The following ADAMTS16 variants were observed in gnomAD, a reference collection of about 807,000 sequenced individuals.
The protein encoded by ADAMTS16 is ADAM metallopeptidase with thrombospondin type 1 motif 16.
Under a neutral mutation model 145.8 loss-of-function variants are expected in ADAMTS16, and 94 were observed. The ratio of observed to expected loss-of-function variants is 0.64; its 90% CI spans 0.55 to 0.77. The LOEUF is 0.77. Among genes scored for constraint, ADAMTS16 ranks in the 30% least tolerant of loss-of-function variants. The pLI is 0.00. For synonymous variants in ADAMTS16, 659 were observed against 604.3 expected (o/e 1.09, Z -1.33); for missense variants, 1,585 against 1,591.5 (o/e 1.00, Z 0.07).
At chr5:5,151,422 T>C (rs1734454295) in intron 3 of ADAMTS16, among the ~76,000 whole-genome samples, 1 of 151,774 alleles carries the variant, frequency 6.6e-6, no homozygotes, top group Non-Finnish European at 1.5e-5. Flanking sequence ...GTGTCTTTAG[T>C]AGAGATGGGG....
At chr5:5,190,177 C>A (rs1228923057) in intron 7 of ADAMTS16, 47 bp downstream of exon 7, 125 of 1,507,472 alleles carry the variant, frequency 8.3e-5, no homozygotes, top group Non-Finnish European at 1.1e-4. Flanking sequence ...GAATGTGCAC[C>A]CCTGGCCGTG....
At position 5,140,773 on chromosome 5, in the gene ADAMTS16, C is replaced by T. The variant is rs749540910; in HGVS notation, c.175+7C>T. The stretch of plus-strand genomic sequence containing the variant: ...GGCTGGATGGAAAAGGGCGGTAAGT[C>T]CGTGAGGTGGGGGCTTCTAATCCTT... On this transcript the variant is annotated splice_region_variant and intron_variant, in intron 2 of 22. Transcript: ENST00000274181. 1.9e-6 allele frequency: 3 copies of T among 1,552,588 alleles called. No homozygotes were observed. The African/African-American group carries it at 4.1e-5, about 21-fold the overall frequency.
At chr5:5,245,852 T>C (rs2126399276) in intron 17 of ADAMTS16, among the ~76,000 whole-genome samples, 1 of 152,360 alleles carries the variant, frequency 6.6e-6, no homozygotes, top group South Asian at 2.1e-4. Context: ...TGACAGTTTC[T>C]TTTTTCTCTC....
intron 3 of ADAMTS16, among the ~76,000 whole-genome samples, chr5:5,169,197 C>G (rs1167511351): frequency 6.6e-6 from 1 of 152,134 alleles, no homozygotes; most frequent in East Asian, 1.9e-4. Context: ...AGATGACAGG[C>G]TCAGTAAATG....
chr5:5,207,148 T>C (rs1305366991), intron 9 of ADAMTS16, among the ~76,000 whole-genome samples: 1 of 152,208 alleles, frequency 6.6e-6, no homozygotes, highest in Non-Finnish European at 1.5e-5. Flanking sequence ...GAAGAACTAA[T>C]CTCCTGACAA....
At chr5:5,304,147 G>A (rs1250846960) in intron 20 of ADAMTS16, among the ~76,000 whole-genome samples, 1 of 152,212 alleles carries the variant, frequency 6.6e-6, no homozygotes, top group Non-Finnish European at 1.5e-5. Context: ...CTCCTGAAGA[G>A]CAGGAAGAAC....
chr5:5,183,711 G>A (rs1473962785), intron 4 of ADAMTS16, among the ~76,000 whole-genome samples: 1 of 152,232 alleles, frequency 6.6e-6, no homozygotes, highest in East Asian at 1.9e-4. Flanking sequence ...AGCTCTGTGT[G>A]CAAGGCAGTA....
chr5:5,253,707 T>G lies in ADAMTS16; in HGVS notation c.2663-8950T>G, dbSNP rs1166510625. Among the ~76,000 whole-genome samples the G allele has an allele frequency of 4.6e-5, 7 of 152,254 alleles. No homozygotes were observed. In the East Asian group the frequency reaches 1.4e-3, roughly 29 times the overall value. ...CTCAGTTTCATCTCTGCAACCCACATCTTCGAAGATTCTCCAATCCAGACC... is the reference window on the plus strand; with the variant it reads ...CTCAGTTTCATCTCTGCAACCCACAGCTTCGAAGATTCTCCAATCCAGACC... On this transcript the variant is annotated intron_variant, in intron 17 of 22. Transcript: ENST00000274181.
In ADAMTS16 at chr5:5,188,611, A is replaced by G. The variant is rs553039889; in HGVS notation, c.1047+803A>G. On this transcript the variant is annotated intron_variant, in intron 6 of 22. Coordinates refer to ENST00000274181, the MANE Select transcript of ADAMTS16 (RefSeq NM_139056.4). The stretch of plus-strand genomic sequence containing the variant: ...CAGCTCCACCCTTGCTGACGTTTTC[A>G]GAGTCTCCTTTTAGCTACAGTTTTC... Among the ~76,000 whole-genome samples, 9 of 152,332 alleles carry G rather than the reference A, an allele frequency of 5.9e-5. No individual in the cohort carries two copies. The South Asian group carries it at 1.9e-3, about 32-fold the overall frequency.
rs142525343 is a variant in ADAMTS16, at chr5:5,251,662, C to T, written c.2662+9471C>T. ...AGATTCTGATTTCACTTTCATGAACCTGGGTGCCTACCAGGGGTAAGATCA... is the reference window on the plus strand; with the variant it reads ...AGATTCTGATTTCACTTTCATGAACTTGGGTGCCTACCAGGGGTAAGATCA... On this transcript the variant is annotated intron_variant, in intron 17 of 22. Transcript: ENST00000274181. 5.8e-3 allele frequency among the ~76,000 whole-genome samples: 886 copies of T among 152,302 alleles called. 10 individuals are homozygous for T. Among genetic ancestry groups the T allele is most frequent in the African/African-American group, 0.018 (766 of 41,570 alleles).
At chr5:5,215,914 A>C (rs575990722) in intron 10 of ADAMTS16, among the ~76,000 whole-genome samples, 7 of 115,534 alleles carry the variant, frequency 6.1e-5, no homozygotes, top group East Asian at 5.2e-4. Flanking sequence ...ATATATATAT[A>C]TCACAGTTTC....
rs761983364 is a variant in ADAMTS16, at chr5:5,209,210, A to T, written c.1569A>T (p.Gly523=). The T allele has an allele frequency of 6.2e-7, 1 of 1,614,022 alleles. No homozygotes were observed. Among genetic ancestry groups the T allele is most frequent in the Non-Finnish European group, 8.5e-7 (1 of 1,179,872 alleles). Reference sequence around the variant, plus strand: ...ACACACAGTGCAAGTGGCAGTTCGGAGAGAAAGCCAAGCTCTGCATGCTGG... The same window carrying T: ...ACACACAGTGCAAGTGGCAGTTCGGTGAGAAAGCCAAGCTCTGCATGCTGG... ...DANTQCKWQF[G]EKAKLCMLDF... is the part of the protein sequence containing the mutation. The change falls in exon 10 of 23, where the codon GGA becomes GGT. Residue 523 remains glycine, a synonymous_variant. Transcript: ENST00000274181.
At chr5:5,143,835 A>C (rs1255899563) in intron 2 of ADAMTS16, among the ~76,000 whole-genome samples, 1 of 152,204 alleles carries the variant, frequency 6.6e-6, no homozygotes, top group Non-Finnish European at 1.5e-5. Context: ...TTGCAGGGAC[A>C]TGGATGAAGC....
At chr5:5,146,095 A>G in intron 2 of ADAMTS16, 35 bp from the exon 3 acceptor site, 2 of 1,567,220 alleles carry the variant, frequency 1.3e-6, no homozygotes, top group Non-Finnish European at 1.7e-6. Context: ...GGAATTCCGA[A>G]ATGACTCAGC....
chr5:5,219,118 C>T (rs960888594), intron 10 of ADAMTS16, among the ~76,000 whole-genome samples: 4 of 151,990 alleles, frequency 2.6e-5, no homozygotes, highest in African/African-American at 7.2e-5. Flanking sequence ...GGGACCCCCC[C>T]TTCTCTACTC....
rs1290701193 is a variant in ADAMTS16, at chr5:5,146,215, A to G, written c.261A>G (p.Arg87=). The G allele has an allele frequency of 6.2e-7, 1 of 1,614,044 alleles. No homozygotes were observed. Among genetic ancestry groups the G allele is most frequent in the African/African-American group, 1.3e-5 (1 of 74,916 alleles). ...HEIMHHQRRR[R]AVPVSEVESL... ...TCATGCACCATCAGCGGCGGAGAAG[A>G]GCAGTGCCCGTGTCCGAGGTTGAGT... Residue 87 remains arginine (R), a synonymous_variant, in exon 3 of 23, where the codon AGA becomes AGG. Coordinates refer to ENST00000274181, the MANE Select transcript of ADAMTS16 (RefSeq NM_139056.4).
Position 5,306,421 on chromosome 5 carries a change from C to T in ADAMTS16, c.3187-83C>T. The T allele has an allele frequency of 2.6e-6, 3 of 1,167,922 alleles. No homozygotes were observed. In the Admixed American group the frequency reaches 6.1e-5, roughly 24 times the overall value. 72.3% of individuals were successfully genotyped at this position (1,167,922 alleles called of 1,614,324 possible). On this transcript the variant is annotated intron_variant, in intron 20 of 22. Coordinates refer to ENST00000274181, the MANE Select transcript of ADAMTS16 (RefSeq NM_139056.4). ...GTTCACACTTATATAAATGTTCAAG[C>T]AGATATCTCTGATATTTTAACCCAC... is the stretch of plus-strand genomic sequence containing the variant.
chr5:5,227,438 C>T (rs890979456), intron 11 of ADAMTS16, among the ~76,000 whole-genome samples: 1 of 151,892 alleles, frequency 6.6e-6, no homozygotes, highest in Admixed American at 6.6e-5. Context: ...ATATATTTAA[C>T]ACAGCATTCT....
At chr5:5,202,409 T>C (rs1470158179) in intron 9 of ADAMTS16, among the ~76,000 whole-genome samples, 1 of 152,232 alleles carries the variant, frequency 6.6e-6, no homozygotes, top group Non-Finnish European at 1.5e-5. Flanking sequence ...AAAGACAATG[T>C]TAAAGCTATT....
Sources: allele counts gnomAD v4.1 joint callset (sites outside exome capture counted in the v4.1 genomes callset), GRCh38; gene constraint gnomAD v4.1.1; transcripts MANE v1.5; gene names NCBI Gene and HGNC (gene_info 2026-07-23, HGNC 2026-07-21).